Variants in DIS3L2 observed in about 807,000 individuals in gnomAD.
DIS3L2 encodes DIS3-like exonuclease 2.
Under a neutral mutation model 97.5 loss-of-function variants are expected in DIS3L2, and 34 were observed. The ratio of observed to expected loss-of-function variants is 0.35; its 90% CI spans 0.27 to 0.46. The LOEUF is 0.46. Among genes scored for constraint, DIS3L2 ranks in the 20% least tolerant of loss-of-function variants. The pLI, the probability that DIS3L2 is intolerant of heterozygous loss-of-function variation, is 1.00. For synonymous variants in DIS3L2, 435 were observed against 445.2 expected, an observed-to-expected ratio of 0.98 and a Z score of 0.29; for missense variants, 1,038 against 1,146.0, an observed-to-expected ratio of 0.91 and a Z score of 1.36.
intron 8 of DIS3L2, among the ~76,000 whole-genome samples, chr2:232,154,792 C>A (rs1267280987): frequency 1.4e-5 from 2 of 144,196 alleles, no homozygotes; most frequent in Non-Finnish European, 3.1e-5. Flanking sequence ...GCGGGCGCCC[C>A]TCCCCCAGCC....
rs555914602 is a variant in DIS3L2, at chr2:232,281,700, G to A, written c.1659+18260G>A. Among the ~76,000 whole-genome samples the A allele has an allele frequency of 1.3e-5, 2 of 152,258 alleles. No individual in the cohort carries two copies. Among genetic ancestry groups the A allele is most frequent in the African/African-American group, 4.8e-5 (2 of 41,544 alleles). On this transcript the variant is annotated intron_variant, in intron 13 of 20. Coordinates refer to ENST00000325385, the MANE Select transcript of DIS3L2 (RefSeq NM_152383.5). This position sits in a 1 kb window ranked among gnomAD's most constrained non-coding sequence, Gnocchi z 4.1. ...CCAGGTTTCTGACAGGCAGGAAGAC[G>A]TGCCACCCAGGAGCATCATCGGCAC...
rs181839297 is a variant in DIS3L2, at chr2:232,249,393, C to T, written c.1425+47C>T. ...TTCTCCACTTACCTCTTTTCTGTTC[C>T]ATGAGTCATGAAGCACTCACCATGT... On this transcript the variant is annotated intron_variant, in intron 12 of 20. Coordinates refer to ENST00000325385, the MANE Select transcript of DIS3L2 (RefSeq NM_152383.5). 73 of 1,575,580 alleles carry T rather than the reference C, an allele frequency of 4.6e-5. No individual in the cohort carries two copies. The East Asian group carries it at 1.5e-3, about 33-fold the overall frequency.
chr2:232,212,671 C>T (rs1291111137), intron 10 of DIS3L2, among the ~76,000 whole-genome samples: 1 of 152,036 alleles, frequency 6.6e-6, no homozygotes, highest in African/African-American at 2.4e-5. Context: ...AGCAAGAGAG[C>T]ATTCAAAAAG....
At chr2:232,101,001 C>G (rs748043606) in intron 6 of DIS3L2, among the ~76,000 whole-genome samples, 1 of 151,800 alleles carries the variant, frequency 6.6e-6, no homozygotes, top group Non-Finnish European at 1.5e-5. Flanking sequence ...TTTGGGAGGC[C>G]GAGGTGGGCG....
intron 14 of DIS3L2, among the ~76,000 whole-genome samples, chr2:232,310,272 T>TG (rs1173711291): frequency 1.3e-5 from 2 of 152,186 alleles, no homozygotes; most frequent in Non-Finnish European, 2.9e-5. Flanking sequence ...TTGGAAGCGA[T>TG]GCAGCCAGAG....
intron 10 of DIS3L2, among the ~76,000 whole-genome samples, chr2:232,230,319 C>T (rs961995040): frequency 7.2e-5 from 11 of 152,220 alleles, no homozygotes; most frequent in Admixed American, 2.6e-4. Flanking sequence ...GGCCAGGGCC[C>T]GCATCCTGGC....
intron 6 of DIS3L2, among the ~76,000 whole-genome samples, chr2:232,097,280 C>G (rs73001185): frequency 0.011 from 1,714 of 152,292 alleles, 19 homozygotes; most frequent in Non-Finnish European, 0.016. Context: ...ATCTCTCTGT[C>G]TGTGCTGAGC....
intron 9 of DIS3L2, among the ~76,000 whole-genome samples, chr2:232,192,695 C>T (rs16828658): frequency 0.011 from 1,665 of 152,282 alleles, 29 homozygotes; most frequent in African/African-American, 0.036. Context: ...AATGTCCTGT[C>T]GTAGCTTTCG....
At chr2:232,004,279 T>A (rs1408449984) in intron 1 of DIS3L2, among the ~76,000 whole-genome samples, 1 of 152,016 alleles carries the variant, frequency 6.6e-6, no homozygotes, top group Non-Finnish European at 1.5e-5. Flanking sequence ...CACCATGTAG[T>A]CCAGGCTGGT....
At chr2:232,081,701 C>CAA (rs1696405890) in intron 5 of DIS3L2, among the ~76,000 whole-genome samples, 1 of 152,168 alleles carries the variant, frequency 6.6e-6, no homozygotes, top group East Asian at 1.9e-4. Context: ...TTCTTGTTTT[C>CAA]CCAGTATGAC....
At chr2:232,015,869 C>T (rs931917744) in intron 3 of DIS3L2, 198 bp downstream of exon 3, 3 of 476,628 alleles carry the variant, frequency 6.3e-6, no homozygotes, top group African/African-American at 5.8e-5. Flanking sequence ...GTAATAAGCA[C>T]CACAAGACAG....
chr2:232,062,007 CA>C (rs1344353795), intron 5 of DIS3L2, among the ~76,000 whole-genome samples: 6 of 150,352 alleles, frequency 4.0e-5, no homozygotes, highest in African/African-American at 7.3e-5. Context: ...CTTCTTTAGA[CA>C]GATATATTTT....
At chr2:232,318,128 ACAGAGGCCAGAGGC>A (rs142504543) in intron 14 of DIS3L2, among the ~76,000 whole-genome samples, 5 of 152,128 alleles carry the variant, frequency 3.3e-5, no homozygotes, top group African/African-American at 1.2e-4. Flanking sequence ...CCAGGCCTCC[ACAGAGGCCAGAGGC>A]CAGAGGCCAG....
chr2:231,982,900 G>A (rs1195322500), intron 1 of DIS3L2, among the ~76,000 whole-genome samples: 4 of 151,930 alleles, frequency 2.6e-5, no homozygotes, highest in African/African-American at 4.8e-5. Context: ...GGCTGGTCTC[G>A]AACTCTTAAC....
chr2:232,023,868 T>G (rs1192718780), intron 3 of DIS3L2, among the ~76,000 whole-genome samples: 1 of 150,516 alleles, frequency 6.6e-6, no homozygotes, highest in Non-Finnish European at 1.5e-5. Context: ...AACAAGCAAT[T>G]GTGGAAAGGT....
At chr2:232,204,684 G>T (rs1691982564) in intron 9 of DIS3L2, among the ~76,000 whole-genome samples, 1 of 152,154 alleles carries the variant, frequency 6.6e-6, no homozygotes, top group Admixed American at 6.5e-5. Context: ...CTCCCTGCAG[G>T]TTGTGAGACC....
intron 10 of DIS3L2, among the ~76,000 whole-genome samples, chr2:232,226,916 G>T (rs1263089041): frequency 6.6e-6 from 1 of 152,064 alleles, no homozygotes; most frequent in Non-Finnish European, 1.5e-5. Flanking sequence ...GCTGCAGTGG[G>T]CCATGATCGT....
chr2:232,163,378 A>G (rs1690710657), intron 8 of DIS3L2, 81 bp from the exon 9 acceptor site: 5 of 1,444,928 alleles, frequency 3.5e-6, no homozygotes, highest in East Asian at 4.6e-5. Flanking sequence ...CTTTCCCACT[A>G]CTTTACTTTT....
chr2:232,048,414 T>TA (rs1013847831), intron 5 of DIS3L2, among the ~76,000 whole-genome samples: 23 of 151,558 alleles, frequency 1.5e-4, no homozygotes, highest in African/African-American at 4.1e-4. Context: ...AGTTCTCTCT[T>TA]AAAAAAAAAT....
Sources: gnomAD v4.1 joint callset for allele counts (sites outside exome capture counted in the v4.1 genomes callset) on GRCh38, gnomAD v4.1.1 for gene constraint, Gnocchi (gnomAD v3.1) non-coding constraint, MANE v1.5 for transcripts, NCBI Gene and HGNC (gene_info 2026-07-23, HGNC 2026-07-21) for gene names.